Variants in CLEC4E observed in about 807,000 individuals in gnomAD.
CLEC4E encodes C-type lectin domain family 4 member E, also known as C-type (calcium dependent, carbohydrate-recognition domain) lectin, superfamily member 9.
In CLEC4E, 21 loss-of-function variants were observed where a neutral mutation model predicts 24.7. The ratio of observed to expected loss-of-function variants is 0.85; its 90% CI spans 0.60 to 1.22. CLEC4E has a LOEUF of 1.22. Among genes scored for constraint, CLEC4E ranks in the 50% most tolerant of loss-of-function variants. The pLI is 0.00. For synonymous variants in CLEC4E, 94 were observed against 85.7 expected (o/e 1.10, Z -0.54); for missense variants, 249 against 254.1 (o/e 0.98, Z 0.14).
intron 2 of CLEC4E, 149 bp downstream of exon 2, chr12:8,539,706 G>T (rs886310929): frequency 1.4e-5 from 9 of 645,256 alleles, no homozygotes; most frequent in African/African-American, 3.6e-5. Flanking sequence ...TTTCTGGTTT[G>T]AGAAATAACC....
chr12:8,539,831 T>A (rs758785904), intron 2 of CLEC4E, 24 bp downstream of exon 2: 5 of 1,449,330 alleles, frequency 3.4e-6, no homozygotes, highest in Non-Finnish European at 3.9e-6. Flanking sequence ...AAGAATTAAA[T>A]TGAATTTGAC....
At chr12:8,540,652 T>A (rs892292214) in intron 1 of CLEC4E, 109 bp downstream of exon 1, 5 of 1,000,180 alleles carry the variant, frequency 5.0e-6, no homozygotes, top group African/African-American at 1.6e-5. Context: ...TCCCCCCACT[T>A]TTTTTTTTAA....
In CLEC4E at chr12:8,534,125, G is replaced by A. The variant is rs745412205; in HGVS notation, c.*513C>T. On this transcript the variant is annotated 3_prime_UTR_variant, in exon 6 of 6. Coordinates refer to ENST00000299663, the MANE Select transcript of CLEC4E (RefSeq NM_014358.4). ...AAAGGCCACACCGGTATTCTGAGCAGGAATAAGTTTCATGACTTGAAGAAG... is the reference window on the plus strand; with the variant it reads ...AAAGGCCACACCGGTATTCTGAGCAAGAATAAGTTTCATGACTTGAAGAAG... 1 of 152,630 alleles carries A rather than the reference G, an allele frequency of 6.6e-6. No individual in the cohort carries two copies. Among genetic ancestry groups the A allele is most frequent in the African/African-American group, 2.4e-5 (1 of 41,574 alleles). 9.5% of individuals were successfully genotyped at this position (152,630 alleles called of 1,614,324 possible).
At chr12:8,538,847 C>G in intron 3 of CLEC4E, 1 of 291,316 alleles carries the variant, frequency 3.4e-6, no homozygotes, top group Non-Finnish European at 6.3e-6. Flanking sequence ...GGACTTGCAA[C>G]AGGATGACAT....
rs757119064 is a variant in CLEC4E at position 8,540,834 on chromosome 12, T to TCTCC, written c.-38_-37insGGAG. 2 of 1,338,568 alleles carry TCTCC rather than the reference T, an allele frequency of 1.5e-6. No individual in the cohort carries two copies. Among genetic ancestry groups the TCTCC allele is most frequent in the Admixed American group, 3.4e-5 (2 of 59,658 alleles). The allele number at this position is 1,338,568 out of a possible 1,614,324, so 82.9% of individuals were successfully genotyped here. A position where few individuals can be genotyped will look rare whatever the true frequency, so the allele number is the denominator to read the frequency against. ...CTTTGGTTTTTTGTTTCTCTCTCTC[T>TCTCC]CTTTTTCTCTCCCTCCCTCTCTTTC... is the stretch of plus-strand genomic sequence containing the variant. On this transcript the variant is annotated 5_prime_UTR_variant, in exon 1 of 6. Coordinates refer to ENST00000299663, the MANE Select transcript of CLEC4E (RefSeq NM_014358.4).
chr12:8,537,692 C>T (rs755290847), intron 3 of CLEC4E, among the ~76,000 whole-genome samples: 34 of 152,192 alleles, frequency 2.2e-4, no homozygotes, highest in South Asian at 6.2e-4. Context: ...TAGATGTGGG[C>T]GGCAAGCCAC....
At chr12:8,538,638 A>G (rs1443644285) in intron 3 of CLEC4E, among the ~76,000 whole-genome samples, 3 of 152,074 alleles carry the variant, frequency 2.0e-5, no homozygotes, top group Non-Finnish European at 2.9e-5. Context: ...TTATTTCTAC[A>G]TGCTCTCGTC....
Position 8,538,454 on chromosome 12 carries a change from A to G in CLEC4E, c.220+763T>C, listed in dbSNP as rs113633422. ...CCTGTCCAGTGGACACGTGACCCAC[A>G]TGACCTTACCTATCATTGGAGATGA... On this transcript the variant is annotated intron_variant, in intron 3 of 5. Coordinates refer to ENST00000299663, the MANE Select transcript of CLEC4E (RefSeq NM_014358.4). Among the ~76,000 whole-genome samples the G allele has an allele frequency of 5.3e-3, 801 of 152,298 alleles. 22 individuals carry two copies. The East Asian group carries it at 0.075, about 14-fold the overall frequency.
At chr12:8,536,373 T>C (rs1049394729) in intron 4 of CLEC4E, among the ~76,000 whole-genome samples, 168 bp from the exon 5 acceptor site, 5 of 152,124 alleles carry the variant, frequency 3.3e-5, no homozygotes, top group African/African-American at 1.2e-4. Flanking sequence ...TTGACCAACA[T>C]GGCGAAACCC....
At chr12:8,540,634 T>G in intron 1 of CLEC4E, 127 bp downstream of exon 1, 1 of 838,322 alleles carries the variant, frequency 1.2e-6, no homozygotes, top group Non-Finnish European at 1.9e-6. Flanking sequence ...TCTCTCTCTC[T>G]TCCTCTGTCC....
intron 1 of CLEC4E, 93 bp downstream of exon 1, chr12:8,540,668 G>T: frequency 2.6e-6 from 3 of 1,138,586 alleles, no homozygotes; most frequent in South Asian, 1.3e-5. Flanking sequence ...TTTAACTTCA[G>T]TGAATACTTT....
intron 5 of CLEC4E, 94 bp from the exon 6 acceptor site, chr12:8,534,903 T>G: frequency 8.9e-7 from 1 of 1,125,054 alleles, no homozygotes; most frequent in Non-Finnish European, 1.3e-6. Context: ...TTATTTAACC[T>G]CACAACAATT....
chr12:8,540,155 T>C (rs1476815069), intron 1 of CLEC4E, among the ~76,000 whole-genome samples: 1 of 152,198 alleles, frequency 6.6e-6, no homozygotes, highest in Non-Finnish European at 1.5e-5. Flanking sequence ...AGCAACTCAG[T>C]AGAGTTTGTA....
intron 3 of CLEC4E, 79 bp from the exon 4 acceptor site, chr12:8,537,345 T>C (rs1203132124): frequency 3.6e-6 from 5 of 1,383,680 alleles, no homozygotes; most frequent in Non-Finnish European, 5.0e-6. Flanking sequence ...CCCCATGGAG[T>C]CCTCATTTAA....
intron 4 of CLEC4E, among the ~76,000 whole-genome samples, chr12:8,536,463 C>T (rs1452215192): frequency 6.6e-5 from 10 of 152,056 alleles, no homozygotes. Flanking sequence ...GAGGCTGAGG[C>T]AGGAGAATCG....
chr12:8,538,853 G>A, intron 3 of CLEC4E: 1 of 301,638 alleles, frequency 3.3e-6, no homozygotes, highest in Non-Finnish European at 6.0e-6. Flanking sequence ...GCAACAGGAT[G>A]ACATAGAAGA....
Position 8,540,785 on chromosome 12 carries a change from T to C in CLEC4E, c.13A>G (p.Lys5Glu), listed in dbSNP as rs377436768. 1.2e-6 allele frequency: 2 copies of C among 1,608,740 alleles called. No homozygotes were observed. Among genetic ancestry groups the C allele is most frequent in the Non-Finnish European group, 1.7e-6 (2 of 1,175,590 alleles). The change falls in exon 1 of 6, where the codon AAA becomes GAA. Residue 5 changes from lysine (K) to glutamate (E), a missense_variant. Physicochemically the swap from Lys to Glu is moderately conservative, Grantham distance 56. Coordinates refer to ENST00000299663, the MANE Select transcript of CLEC4E (RefSeq NM_014358.4). ...CCTGTGCATTGTGTTTCAGATGATTTAGATGAATTCATTTTTTCTCTCTCT... is the reference window on the plus strand; with the variant it reads ...CCTGTGCATTGTGTTTCAGATGATTCAGATGAATTCATTTTTTCTCTCTCT... MNSS[K>E]SSETQCTERG...
intron 3 of CLEC4E, 105 bp from the exon 4 acceptor site, chr12:8,537,371 A>G: frequency 1.0e-6 from 1 of 999,286 alleles, no homozygotes; most frequent in Non-Finnish European, 1.5e-6. Context: ...AAGCCTTGGA[A>G]TCACTTGTTC....
intron 2 of CLEC4E, among the ~76,000 whole-genome samples, chr12:8,539,538 T>C (rs771278504): frequency 2.6e-5 from 4 of 152,274 alleles, no homozygotes; most frequent in South Asian, 4.1e-4. Flanking sequence ...TGCCGACCAG[T>C]AGTTCAAGCT....
Sources: allele counts gnomAD v4.1 joint callset (sites outside exome capture counted in the v4.1 genomes callset), GRCh38; gene constraint gnomAD v4.1.1; transcripts MANE v1.5; gene names NCBI Gene and HGNC (gene_info 2026-07-23, HGNC 2026-07-21).